Variants in PHC2 observed in about 807,000 individuals in gnomAD.
The protein encoded by PHC2 is polyhomeotic homolog 2.
Under a neutral mutation model 87.4 loss-of-function variants are expected in PHC2, and 29 were observed. That is an observed-to-expected ratio of 0.33 (90% confidence interval 0.25 to 0.45). The LOEUF is 0.45. Ranked by LOEUF, PHC2 falls within the 20% of genes least tolerant of loss-of-function variation. The pLI is 1.00. For synonymous variants in PHC2, 438 were observed against 461.7 expected (o/e 0.95, Z 0.66); for missense variants, 857 against 1,136.7 (o/e 0.75, Z 3.54).
intron 1 of PHC2, among the ~76,000 whole-genome samples, 200 bp downstream of exon 1, chr1:33,430,776 G>T (rs1206393915): frequency 6.6e-6 from 1 of 150,458 alleles, no homozygotes; most frequent in Non-Finnish European, 1.5e-5. Flanking sequence ...CCGCGGACCA[G>T]GGGTCAGGCC....
At chr1:33,425,782 T>C (rs1650643857) in intron 1 of PHC2, among the ~76,000 whole-genome samples, 1 of 152,224 alleles carries the variant, frequency 6.6e-6, no homozygotes, top group East Asian at 1.9e-4. Context: ...AGCCCAGCCA[T>C]GTAAACTGTG....
chr1:33,339,582 T>C (rs548007323), intron 9 of PHC2, among the ~76,000 whole-genome samples: 1 of 152,292 alleles, frequency 6.6e-6, no homozygotes, highest in South Asian at 2.1e-4. Flanking sequence ...GGATGACCTC[T>C]AGAGGCAGAG....
intron 1 of PHC2, among the ~76,000 whole-genome samples, chr1:33,388,799 T>A (rs976127549): frequency 3.3e-5 from 5 of 152,158 alleles, no homozygotes; most frequent in African/African-American, 1.2e-4. Context: ...AGTGATTACA[T>A]GAGGCAGCAG....
chr1:33,323,757 C>A lies in PHC2; in HGVS notation c.*1108G>T, dbSNP rs1352814216. On this transcript the variant is annotated 3_prime_UTR_variant, in exon 15 of 15. Transcript: ENST00000683057. ...GTGCCTACCTCCTTCCTGCAAAGGA[C>A]ACGGCAGGTCAGAGGCAGGCCCTCG... 1 of 152,704 alleles carries A rather than the reference C, an allele frequency of 6.5e-6. No homozygotes were observed. Among genetic ancestry groups the A allele is most frequent in the East Asian group, 1.9e-4 (1 of 5,200 alleles). 9.5% of individuals were successfully genotyped at this position (152,704 alleles called of 1,614,324 possible). A position where few individuals can be genotyped will look rare whatever the true frequency, so the allele number is the denominator to read the frequency against.
At chr1:33,391,449 C>T (rs569894595) in intron 1 of PHC2, among the ~76,000 whole-genome samples, 99 of 152,178 alleles carry the variant, frequency 6.5e-4, no homozygotes, top group Admixed American at 2.0e-3. Flanking sequence ...TTTTTTCTTT[C>T]GGGCAGGAGC....
At chr1:33,362,714 C>T (rs905046090) in intron 7 of PHC2, among the ~76,000 whole-genome samples, 1 of 152,038 alleles carries the variant, frequency 6.6e-6, no homozygotes, top group African/African-American at 2.4e-5. Flanking sequence ...TTAGGTGCTT[C>T]CCAGTGCCAG....
intron 9 of PHC2, among the ~76,000 whole-genome samples, chr1:33,350,709 TCTC>T (rs2148268260): frequency 6.6e-6 from 1 of 152,234 alleles, no homozygotes; most frequent in South Asian, 2.1e-4. Flanking sequence ...CTGCCTTTCT[TCTC>T]CCCCCACCCC....
chr1:33,333,968 A>C, intron 10 of PHC2, 122 bp downstream of exon 10: 1 of 821,182 alleles, frequency 1.2e-6, no homozygotes, highest in Admixed American at 2.8e-5. Flanking sequence ...TTGGGGGAGG[A>C]AGTTAGCAAG....
chr1:33,404,958 G>A (rs1461506213), intron 1 of PHC2, among the ~76,000 whole-genome samples: 3 of 152,124 alleles, frequency 2.0e-5, no homozygotes. Context: ...ATGTTTAATG[G>A]CTGCACAGTA....
chr1:33,401,921 A>C (rs1649549516), intron 1 of PHC2, among the ~76,000 whole-genome samples: 1 of 152,234 alleles, frequency 6.6e-6, no homozygotes, highest in African/African-American at 2.4e-5. Context: ...AATGTAGGAC[A>C]AAATAATGAC....
intron 7 of PHC2, among the ~76,000 whole-genome samples, chr1:33,360,507 T>C (rs1432973528): frequency 6.6e-6 from 1 of 152,258 alleles, no homozygotes; most frequent in Non-Finnish European, 1.5e-5. Context: ...TCTCTGTATC[T>C]TGACTTGCTG....
At position 33,331,229 on chromosome 1, in the gene PHC2, C is replaced by A; in HGVS notation, c.2006+119G>T. 1.9e-6 allele frequency: 1 copy of A among 530,964 alleles called. No individual in the cohort carries two copies. Among genetic ancestry groups the A allele is most frequent in the Non-Finnish European group, 3.3e-6 (1 of 298,576 alleles). The allele number at this position is 530,964 out of a possible 1,614,324, so 32.9% of individuals were successfully genotyped here. The stretch of plus-strand genomic sequence containing the variant: ...GATGCCATCCTGCTTCCAGGTGGGT[C>A]GAGGAACTAGGAAACTGGAGAAGCC... On this transcript the variant is annotated intron_variant, in intron 12 of 14. Transcript: ENST00000683057. The surrounding 1 kb of genome is among the most constrained non-coding windows in gnomAD (Gnocchi z 5.2).
chr1:33,426,276 C>T (rs10914710), intron 1 of PHC2, among the ~76,000 whole-genome samples: 2,924 of 151,928 alleles, frequency 0.019, 84 homozygotes, highest in African/African-American at 0.066. Context: ...AGAACAGAAG[C>T]ATTCCAGACA....
At chr1:33,326,948 CA>C (rs1382020714) in intron 14 of PHC2, among the ~76,000 whole-genome samples, 3 of 151,806 alleles carry the variant, frequency 2.0e-5, no homozygotes, top group Non-Finnish European at 4.4e-5. Context: ...GCCTCTATCT[CA>C]AAAACAAAAA....
chr1:33,430,899 A>G (rs962235689), intron 1 of PHC2, 77 bp downstream of exon 1: 1 of 150,470 alleles, frequency 6.6e-6, no homozygotes, highest in African/African-American at 2.4e-5. Flanking sequence ...TTAAGCCGGC[A>G]GCGCGGCGGC....
chr1:33,334,534 G>A lies in PHC2; in HGVS notation c.1559-242C>T, dbSNP rs1646582413. ...CGCATGCAGCTAATCAGCTAGCAGT[G>A]TTTCTTCATTTCCCAACCGTGCTAT... On this transcript the variant is annotated intron_variant, in intron 9 of 14. Coordinates refer to ENST00000683057, the MANE Select transcript of PHC2 (RefSeq NM_001385109.1). This position sits in a 1 kb window ranked among gnomAD's most constrained non-coding sequence, Gnocchi z 5.5. 6.6e-6 allele frequency among the ~76,000 whole-genome samples: 1 copy of A among 152,214 alleles called. No homozygotes were observed. Among genetic ancestry groups the A allele is most frequent in the South Asian group, 2.1e-4 (1 of 4,832 alleles).
At chr1:33,387,737 G>C (rs1648836975) in intron 1 of PHC2, among the ~76,000 whole-genome samples, 1 of 152,256 alleles carries the variant, frequency 6.6e-6, no homozygotes, top group African/African-American at 2.4e-5. Context: ...CCATGCACAA[G>C]AGGCAGAATT....
chr1:33,429,140 A>G (rs904687780), intron 1 of PHC2, among the ~76,000 whole-genome samples: 6 of 152,202 alleles, frequency 3.9e-5, no homozygotes, highest in Non-Finnish European at 8.8e-5. Context: ...GCCCAGTTTC[A>G]GGCCCTCTCC....
intron 1 of PHC2, among the ~76,000 whole-genome samples, chr1:33,430,733 C>T (rs1570520375): frequency 1.3e-5 from 2 of 151,010 alleles, no homozygotes; most frequent in South Asian, 4.1e-4. Context: ...CGGTCGCCGG[C>T]CGGGACTGCG....
Sources: allele counts gnomAD v4.1 joint callset (sites outside exome capture counted in the v4.1 genomes callset), GRCh38; gene constraint gnomAD v4.1.1; non-coding constraint Gnocchi (gnomAD v3.1); transcripts MANE v1.5; gene names NCBI Gene and HGNC (gene_info 2026-07-23, HGNC 2026-07-21).